DYNLT2: variants seen among roughly 807,000 people sequenced by gnomAD.
The protein encoded by DYNLT2 is dynein light chain Tctex-type 2.
A neutral mutation model predicts 24.3 loss-of-function variants in DYNLT2; 24 were observed. The ratio of observed to expected loss-of-function variants is 0.99; its 90% CI spans 0.71 to 1.39. The LOEUF is 1.39. Ranked by LOEUF, DYNLT2 falls within the 40% of genes most tolerant of loss-of-function variation. DYNLT2 has a pLI of 0.00. For missense variants in DYNLT2, 246 were observed against 234.5 expected, an observed-to-expected ratio of 1.05 and a Z score of -0.32; for synonymous variants, 85 against 85.4, an observed-to-expected ratio of 1.00 and a Z score of 0.03.
intron 3 of DYNLT2, among the ~76,000 whole-genome samples, chr6:169,741,162 C>T (rs1012029395): frequency 6.6e-6 from 1 of 152,098 alleles, no homozygotes; most frequent in Non-Finnish European, 1.5e-5. Context: ...CTTTATGTCC[C>T]CACCCTGTGA....
At chr6:169,742,540 T>C (rs1344071047) in intron 3 of DYNLT2, among the ~76,000 whole-genome samples, 2 of 152,218 alleles carry the variant, frequency 1.3e-5, no homozygotes, top group African/African-American at 4.8e-5. Context: ...AAAATTGATA[T>C]GATCAAGGAA....
the DYNLT2 span, among the ~76,000 whole-genome samples, chr6:169,727,754 G>A: frequency 1.3e-5 from 2 of 152,010 alleles, no homozygotes; most frequent in Non-Finnish European, 2.9e-5. Context: ...TAGTAGAGAC[G>A]GAGTTTCACC....
the DYNLT2 span, among the ~76,000 whole-genome samples, chr6:169,732,287 G>A: frequency 2.0e-5 from 3 of 152,096 alleles, no homozygotes; most frequent in South Asian, 6.2e-4. Context: ...AATAGAATTG[G>A]TAGAAATTGT....
rs1790023920 is a variant in DYNLT2 at position 169,751,115 on chromosome 6, G to C, written c.120+224C>G. 7 of 583,462 alleles carry C rather than the reference G, an allele frequency of 1.2e-5. No individual in the cohort carries two copies. In the East Asian group the frequency reaches 2.1e-4, roughly 18 times the overall value. 36.1% of individuals were successfully genotyped at this position (583,462 alleles called of 1,614,324 possible). ...CCAATCGACTTATGTAGGGTTCTAT[G>C]GCCCTAATTAAAAAACAAGAAAACT... On this transcript the variant is annotated intron_variant, in intron 1 of 3. Coordinates refer to ENST00000366774, the MANE Select transcript of DYNLT2 (RefSeq NM_174910.3).
the DYNLT2 span, among the ~76,000 whole-genome samples, chr6:169,730,217 T>TCATCTATGTGGATGTTGAAGTCC: frequency 4.7e-4 from 72 of 152,318 alleles, no homozygotes; most frequent in Middle Eastern, 3.4e-3. Context: ...TTTGGATGGC[T>TCATCTATGTGGATGTTGAAGTCC]CATCTATGTG....
chr6:169,750,515 G>A (rs1473113680), intron 1 of DYNLT2: 3 of 151,956 alleles, frequency 2.0e-5, no homozygotes, highest in East Asian at 1.9e-4. Context: ...AATGTTTTAG[G>A]GTCTTCAAAA....
At chr6:169,732,147 T>G in the DYNLT2 span, among the ~76,000 whole-genome samples, 1 of 152,210 alleles carries the variant, frequency 6.6e-6, no homozygotes, top group East Asian at 1.9e-4. Flanking sequence ...GCTACAACTA[T>G]CATGTATATT....
chr6:169,735,308 AT>A (rs777757013), downstream of DYNLT2, among the ~76,000 whole-genome samples: 7 of 151,266 alleles, frequency 4.6e-5, no homozygotes, highest in Non-Finnish European at 8.8e-5. Flanking sequence ...GATGTTAGTT[AT>A]TTTTTGTCTT....
the DYNLT2 span, chr6:169,725,491 A>AGCCTCAGCCAGACCATCCGTTCTT: frequency 2.5e-6 from 1 of 396,554 alleles, no homozygotes; most frequent in African/African-American, 2.1e-5. Context: ...TGGTTCTCTC[A>AGCCTCAGCCAGACCATCCGTTCTT]GCCTCAGCCA....
chr6:169,732,359 G>A, the DYNLT2 span, among the ~76,000 whole-genome samples: 1 of 152,126 alleles, frequency 6.6e-6, no homozygotes, highest in African/African-American at 2.4e-5. Context: ...TGTGCAGAAT[G>A]TCCAGATTTG....
chr6:169,751,233 C>A, intron 1 of DYNLT2, 106 bp downstream of exon 1: 1 of 1,483,380 alleles, frequency 6.7e-7, no homozygotes, highest in South Asian at 1.3e-5. Flanking sequence ...GAGATGCTGC[C>A]TCCTTGGCTC....
In DYNLT2 at chr6:169,751,454, T is replaced by C; in HGVS notation, c.5A>G (p.Glu2Gly). 1 of 1,613,836 alleles carries C rather than the reference T, an allele frequency of 6.2e-7. No individual in the cohort carries two copies. Among genetic ancestry groups the C allele is most frequent in the Middle Eastern group, 1.6e-4 (1 of 6,062 alleles). M[E>G]KRGRGVKSSP... The stretch of plus-strand genomic sequence containing the variant: ...CGACTTCACGCCTCGGCCTCGCTTC[T>C]CCATCTCGCTCTGTTCTCCAAGACG... The change falls in exon 1 of 4, where the codon GAG becomes GGG. Residue 2 changes from glutamate to glycine, a missense_variant. Glu to Gly is a moderately conservative substitution (Grantham distance 98). Coordinates refer to ENST00000366774, the MANE Select transcript of DYNLT2 (RefSeq NM_174910.3).
At chr6:169,733,092 A>G in the DYNLT2 span, among the ~76,000 whole-genome samples, 3 of 151,516 alleles carry the variant, frequency 2.0e-5, no homozygotes, top group Non-Finnish European at 4.4e-5. Flanking sequence ...TTCTTTTGAG[A>G]AATGTCTGTT....
downstream of DYNLT2, among the ~76,000 whole-genome samples, chr6:169,735,729 C>A (rs1035518885): frequency 3.3e-5 from 5 of 152,104 alleles, no homozygotes; most frequent in Admixed American, 3.3e-4. Flanking sequence ...AGCATAAGTG[C>A]CATATGGCAC....
rs1297168370 is a variant in DYNLT2, at chr6:169,745,087, AGTTTTTTTTGTTT to A, written c.121-826_121-814del. Among the ~76,000 whole-genome samples the A allele has an allele frequency of 3.3e-5, 5 of 151,490 alleles. No individual in the cohort carries two copies. The East Asian group carries it at 7.7e-4, about 23-fold the overall frequency. On this transcript the variant is annotated intron_variant, in intron 1 of 3. Transcript: ENST00000366774. ...CCATCGAGTATGATGTTTGCTGTGA[AGTTTTTTTTGTTT>A]GTTTTTTTTTTTGAGACAGTCTTGC...
chr6:169,737,804 C>G (rs548041615), downstream of DYNLT2, among the ~76,000 whole-genome samples: 1 of 152,252 alleles, frequency 6.6e-6, no homozygotes, highest in African/African-American at 2.4e-5. Context: ...ACACAGGGAG[C>G]AGGACCCATC....
chr6:169,749,192 C>T (rs369179686), intron 1 of DYNLT2, among the ~76,000 whole-genome samples: 10 of 152,206 alleles, frequency 6.6e-5, no homozygotes, highest in East Asian at 3.9e-4. Flanking sequence ...TTCCTCCTCC[C>T]GGGTTCAAGC....
intron 3 of DYNLT2, among the ~76,000 whole-genome samples, chr6:169,741,482 C>T (rs1441568703): frequency 6.6e-6 from 1 of 152,190 alleles, no homozygotes; most frequent in Non-Finnish European, 1.5e-5. Context: ...AGCCAAGTAG[C>T]TGACCCAGGC....
the DYNLT2 span, chr6:169,725,417 T>A: frequency 5.0e-6 from 2 of 397,808 alleles, no homozygotes; most frequent in Non-Finnish European, 8.8e-6. Context: ...CCTGACTCAC[T>A]TGCCTCAGGT....
Sources: gnomAD v4.1 joint callset for allele counts (sites outside exome capture counted in the v4.1 genomes callset) on GRCh38, gnomAD v4.1.1 for gene constraint, MANE v1.5 for transcripts, NCBI Gene and HGNC (gene_info 2026-07-23, HGNC 2026-07-21) for gene names.